The following MCPH1 variants were observed in gnomAD, a reference collection of about 807,000 sequenced individuals.
MCPH1 encodes the protein microcephalin 1.
Under a neutral mutation model 84.5 loss-of-function variants are expected in MCPH1, and 104 were observed. That is an observed-to-expected ratio of 1.23 (90% confidence interval 1.05 to 1.45). The LOEUF (loss-of-function observed/expected upper bound fraction) is 1.45, where lower values mean the gene tolerates loss of function less well. Ranked by LOEUF, MCPH1 falls within the 40% of genes most tolerant of loss-of-function variation. The pLI, the probability that MCPH1 is intolerant of heterozygous loss-of-function variation, is 0.00. For synonymous variants in MCPH1, 514 were observed against 366.8 expected (o/e 1.40, Z -4.58); for missense variants, 1,498 against 1,005.7 (o/e 1.49, Z -6.62).
chr8:6,437,407 T>C (rs567953637), intron 5 of MCPH1, among the ~76,000 whole-genome samples: 1 of 152,140 alleles, frequency 6.6e-6, no homozygotes, highest in East Asian at 1.9e-4. Context: ...ATTTTTGTAT[T>C]TTTAGTAGAA....
At chr8:6,642,595 T>G (rs143962428) in intron 13 of MCPH1, 137 of 320,220 alleles carry the variant, frequency 4.3e-4, no homozygotes, top group Middle Eastern at 2.2e-3. Flanking sequence ...AAAACTCATA[T>G]ATGTATTTAC....
At chr8:6,535,453 A>C (rs1820307071) in intron 12 of MCPH1, among the ~76,000 whole-genome samples, 1 of 152,216 alleles carries the variant, frequency 6.6e-6, no homozygotes, top group South Asian at 2.1e-4. Context: ...TTAAATTGCT[A>C]CTTTTTAGCT....
At chr8:6,640,254 G>A (rs1358279740) in intron 13 of MCPH1, among the ~76,000 whole-genome samples, 2 of 152,016 alleles carry the variant, frequency 1.3e-5, no homozygotes, top group African/African-American at 4.8e-5. Context: ...TGAAATTACT[G>A]TGCCCTAGGA....
At chr8:6,525,670 A>AT (rs145877994) in intron 12 of MCPH1, among the ~76,000 whole-genome samples, 12,724 of 152,300 alleles carry the variant, frequency 0.084, 698 homozygotes, top group African/African-American at 0.15. Context: ...GCCAGTCAGA[A>AT]TTAAGGTAGA....
rs539491399 is a variant in MCPH1 at position 6,444,911 on chromosome 8, G to T, written c.1189G>T (p.Val397Leu). The change falls in exon 8 of 14, where the codon GTG (valine) becomes TTG (leucine). Residue 397 changes from valine (V) to leucine (L), a missense_variant. Physicochemically the swap from Val to Leu is conservative, Grantham distance 32. Transcript: ENST00000344683. ...LCRSEDRLQH[V>L]AGPALEALSC... ...CAGGTCGGAAGACAGGCTGCAGCACGTGGCGGGACCTGCCCTGGAGGCTCT... is the reference window on the plus strand; with the variant it reads ...CAGGTCGGAAGACAGGCTGCAGCACTTGGCGGGACCTGCCCTGGAGGCTCT... 1.2e-6 allele frequency: 2 copies of T among 1,614,040 alleles called. No homozygotes were observed. The highest frequency in any genetic ancestry group is 2.7e-5 in the African/African-American group (2 of 74,930).
chr8:6,507,342 T>A (rs1813953985), intron 12 of MCPH1, among the ~76,000 whole-genome samples: 1 of 152,250 alleles, frequency 6.6e-6, no homozygotes, highest in Non-Finnish European at 1.5e-5. Flanking sequence ...TTTGCAGATA[T>A]GATTTATGTT....
chr8:6,435,396 T>C (rs552762018), intron 4 of MCPH1, among the ~76,000 whole-genome samples: 55 of 152,202 alleles, frequency 3.6e-4, no homozygotes, highest in African/African-American at 1.3e-3. Flanking sequence ...CAAATCCGCC[T>C]CCCTGAGGTG....
intron 12 of MCPH1, among the ~76,000 whole-genome samples, chr8:6,617,907 C>CTATCTATCTATCTATCTATT (rs1563196967): frequency 5.3e-5 from 8 of 150,028 alleles, no homozygotes; most frequent in Non-Finnish European, 3.0e-5. Flanking sequence ...TCTAATCTAT[C>CTATCTATCTATCTATCTATT]TATCTATCTA....
intron 12 of MCPH1, among the ~76,000 whole-genome samples, chr8:6,571,798 GAT>G (rs2129576499): frequency 6.6e-6 from 1 of 152,220 alleles, no homozygotes; most frequent in African/African-American, 2.4e-5. Context: ...AATTAGGCTT[GAT>G]TATAGAGTTA....
chr8:6,576,142 CCTT>C (rs1168627867), intron 12 of MCPH1, among the ~76,000 whole-genome samples: 7 of 151,884 alleles, frequency 4.6e-5, no homozygotes, highest in South Asian at 2.1e-4. Context: ...TGGTTCTTCT[CCTT>C]CTTGTTCAAC....
At chr8:6,640,103 C>CGTGT (rs1180598292) in intron 13 of MCPH1, among the ~76,000 whole-genome samples, 9 of 122,332 alleles carry the variant, frequency 7.4e-5, no homozygotes, top group African/African-American at 2.6e-4. Flanking sequence ...TGTGTGCGCG[C>CGTGT]GCGTGTGTGT....
In MCPH1 at chr8:6,543,316, A is replaced by G. The variant is rs148465708; in HGVS notation, c.2214+43387A>G. 4.3e-4 allele frequency among the ~76,000 whole-genome samples: 65 copies of G among 152,328 alleles called. 1 individual carries two copies. The highest frequency in any genetic ancestry group is 1.4e-3 in the African/African-American group (60 of 41,570). ...ACCCGCCGTCCGCAAATGTGTTTGT[A>G]CAGTTACTTTCTCAGTATGGGTGAT... On this transcript the variant is annotated intron_variant, in intron 12 of 13. Transcript: ENST00000344683.
chr8:6,528,104 C>A (rs903189582), intron 12 of MCPH1, among the ~76,000 whole-genome samples: 1 of 152,068 alleles, frequency 6.6e-6, no homozygotes, highest in Non-Finnish European at 1.5e-5. Flanking sequence ...ACCATGTTGG[C>A]CAGGCTGGTC....
intron 12 of MCPH1, chr8:6,562,829 C>A (rs1281356368): frequency 6.2e-7 from 1 of 1,613,304 alleles, no homozygotes; most frequent in East Asian, 2.2e-5. Context: ...CCATGCTGGA[C>A]CTGATATTGC....
intron 2 of MCPH1, among the ~76,000 whole-genome samples, chr8:6,412,658 T>A (rs905483741): frequency 6.6e-6 from 1 of 152,154 alleles, no homozygotes; most frequent in Non-Finnish European, 1.5e-5. Flanking sequence ...GCTTCTCAAT[T>A]TTCGTCCTGT....
At chr8:6,484,228 C>A (rs577121549) in intron 11 of MCPH1, among the ~76,000 whole-genome samples, 269 of 152,190 alleles carry the variant, frequency 1.8e-3, no homozygotes, top group African/African-American at 4.7e-3. Flanking sequence ...CAGAACAGCT[C>A]AAACAAAAAA....
At chr8:6,432,797 A>G (rs1006151722) in intron 4 of MCPH1, among the ~76,000 whole-genome samples, 2 of 152,268 alleles carry the variant, frequency 1.3e-5, no homozygotes, top group African/African-American at 2.4e-5. Flanking sequence ...ACCTGATTAT[A>G]GGTGAACAAG....
intron 8 of MCPH1, chr8:6,447,418 C>A (rs900885819): frequency 1.0e-6 from 1 of 985,382 alleles, no homozygotes; most frequent in Non-Finnish European, 1.2e-6. Flanking sequence ...GTTTTCAGTT[C>A]ACTTTTACTT....
At chr8:6,569,875 T>C (rs2922841) in intron 12 of MCPH1, among the ~76,000 whole-genome samples, 22,253 of 152,152 alleles carry the variant, frequency 0.15, 2,684 homozygotes, top group African/African-American at 0.33. Context: ...GGCCTTCAGT[T>C]CTCTTGAGCT....
Sources: gnomAD v4.1 joint callset for allele counts (sites outside exome capture counted in the v4.1 genomes callset) on GRCh38, gnomAD v4.1.1 for gene constraint, MANE v1.5 for transcripts, NCBI Gene and HGNC (gene_info 2026-07-23, HGNC 2026-07-21) for gene names.